Variants in EVI5 observed in about 807,000 individuals in gnomAD.
EVI5 encodes ecotropic viral integration site 5.
In EVI5, 73 loss-of-function variants were observed where a neutral mutation model predicts 112.0. The observed-to-expected ratio is 0.65, with a 90% CI of 0.54 to 0.79. The LOEUF (loss-of-function observed/expected upper bound fraction) is 0.79, where lower values mean the gene tolerates loss of function less well. Among genes scored for constraint, EVI5 ranks in the 30% least tolerant of loss-of-function variants. EVI5 has a pLI of 0.00. For missense variants in EVI5, 900 were observed against 968.8 expected (o/e 0.93, Z 0.94); for synonymous variants, 305 against 319.9 (o/e 0.95, Z 0.50).
intron 19 of EVI5, among the ~76,000 whole-genome samples, chr1:92,526,707 T>C (rs982380681): frequency 6.6e-6 from 1 of 151,880 alleles, no homozygotes; most frequent in Non-Finnish European, 1.5e-5. Flanking sequence ...AGAAGAGGGA[T>C]GAACAGGTGG....
chr1:92,788,511 A>G (rs555448225), upstream of EVI5, among the ~76,000 whole-genome samples: 8 of 145,912 alleles, frequency 5.5e-5, no homozygotes, highest in South Asian at 1.7e-3. Flanking sequence ...CAAAAAAAAA[A>G]CTAGGCAGGA....
intron 18 of EVI5, among the ~76,000 whole-genome samples, chr1:92,568,326 T>C (rs1669799764): frequency 6.8e-6 from 1 of 147,894 alleles, no homozygotes. Context: ...CAGTGAGTTG[T>C]GTTCATGTCG....
intron 18 of EVI5, among the ~76,000 whole-genome samples, chr1:92,599,306 G>C (rs57782462): frequency 0.026 from 3,985 of 152,082 alleles, 131 homozygotes; most frequent in African/African-American, 0.075. Flanking sequence ...TTACTCGCAA[G>C]AGAGTACCAG....
rs1157775160 is a variant in EVI5 at position 92,537,293 on chromosome 1, C to T, written c.2167-23323G>A. ...ATATCAGATTATAAAAGCTCCTATT[C>T]GTACATTTGAGTTTGTATAATTAAT... is the stretch of plus-strand genomic sequence containing the variant. On this transcript the variant is annotated intron_variant, in intron 19 of 19. Coordinates refer to ENST00000684568, the MANE Select transcript of EVI5 (RefSeq NM_001350197.2). Among the ~76,000 whole-genome samples, 5 of 151,666 alleles carry T rather than the reference C, an allele frequency of 3.3e-5. No homozygotes were observed. In the East Asian group the frequency reaches 9.7e-4, roughly 29 times the overall value.
rs1659156224 is a variant in EVI5, at chr1:92,511,046, C to T, written c.*2610G>A. On this transcript the variant is annotated 3_prime_UTR_variant, in exon 20 of 20. Coordinates refer to ENST00000684568, the MANE Select transcript of EVI5 (RefSeq NM_001350197.2). ...AGACAATCCTACGAGTAAGTAGTAT[C>T]TACACTCACAGACTGTGTAGAGCTT... is the stretch of plus-strand genomic sequence containing the variant. 6.6e-6 allele frequency: 1 copy of T among 152,202 alleles called. No individual in the cohort carries two copies. The allele number at this position is 152,202 out of a possible 1,614,324, so 9.4% of individuals were successfully genotyped here.
intron 18 of EVI5, among the ~76,000 whole-genome samples, chr1:92,582,682 A>T (rs991406120): frequency 1.3e-5 from 2 of 152,156 alleles, no homozygotes; most frequent in Admixed American, 6.5e-5. Flanking sequence ...GGCCAGAAAA[A>T]AAGGTGGCCC....
chr1:92,732,441 T>G (rs1456816035), intron 2 of EVI5: 32 of 229,702 alleles, frequency 1.4e-4, no homozygotes, highest in Non-Finnish European at 2.1e-4. Context: ...GCATTGAAAT[T>G]GAGGATATAT....
At chr1:92,623,708 C>A (rs115382861) in intron 16 of EVI5, among the ~76,000 whole-genome samples, 1,909 of 152,274 alleles carry the variant, frequency 0.013, 46 homozygotes, top group African/African-American at 0.042. Context: ...GGACATTTGG[C>A]AATGTGTGCA....
At chr1:92,589,860 C>T (rs929677158) in intron 18 of EVI5, among the ~76,000 whole-genome samples, 7 of 151,908 alleles carry the variant, frequency 4.6e-5, no homozygotes, top group African/African-American at 1.7e-4. Flanking sequence ...CTGAGAGGCA[C>T]CCCCCCGTAT....
chr1:92,641,234 A>C (rs1659909860), intron 13 of EVI5, among the ~76,000 whole-genome samples: 1 of 152,178 alleles, frequency 6.6e-6, no homozygotes, highest in Admixed American at 6.5e-5. Context: ...TAAAATGTTT[A>C]TCTCTATATA....
chr1:92,588,432 C>G (rs1352568617), intron 18 of EVI5, among the ~76,000 whole-genome samples: 1 of 152,114 alleles, frequency 6.6e-6, no homozygotes, highest in Non-Finnish European at 1.5e-5. Context: ...GTAGTTCTTC[C>G]CCCAAATCTT....
intron 19 of EVI5, among the ~76,000 whole-genome samples, chr1:92,536,409 C>T (rs1373742807): frequency 1.3e-5 from 2 of 152,076 alleles, no homozygotes; most frequent in Non-Finnish European, 2.9e-5. Context: ...AAGGTTTTGA[C>T]AGGAAACAGC....
intron 10 of EVI5, among the ~76,000 whole-genome samples, chr1:92,674,924 C>T (rs1182216712): frequency 6.6e-6 from 1 of 152,238 alleles, no homozygotes; most frequent in Non-Finnish European, 1.5e-5. Context: ...ACTTTCTAAA[C>T]TCTTTTTTCC....
intron 14 of EVI5, among the ~76,000 whole-genome samples, chr1:92,630,920 T>C (rs904621244): frequency 2.0e-5 from 3 of 152,048 alleles, no homozygotes; most frequent in Admixed American, 6.6e-5. Flanking sequence ...ATTTATTAAA[T>C]AGGGAATCCT....
chr1:92,610,289 T>C (rs547304858), intron 16 of EVI5, among the ~76,000 whole-genome samples: 55 of 152,324 alleles, frequency 3.6e-4, no homozygotes, highest in African/African-American at 1.3e-3. Context: ...CTGTCTTACC[T>C]GCTACCATTA....
chr1:92,695,516 T>C (rs1379986380), intron 6 of EVI5, 63 bp from the exon 7 acceptor site: 2 of 1,099,768 alleles, frequency 1.8e-6, no homozygotes, highest in Admixed American at 2.4e-5. Flanking sequence ...TTAGATTATA[T>C]TTATACTAGA....
intron 2 of EVI5, among the ~76,000 whole-genome samples, chr1:92,720,661 C>T (rs964766432): frequency 4.6e-5 from 7 of 151,986 alleles, no homozygotes; most frequent in Non-Finnish European, 7.4e-5. Context: ...CAACAAAAGC[C>T]AAAATTAACA....
intron 2 of EVI5, among the ~76,000 whole-genome samples, chr1:92,716,549 A>G (rs1036194328): frequency 6.6e-5 from 10 of 152,258 alleles, no homozygotes; most frequent in African/African-American, 9.6e-5. Context: ...TCTAAAAACC[A>G]GAGCGCCTCT....
chr1:92,557,100 T>A (rs918726408), intron 19 of EVI5, among the ~76,000 whole-genome samples: 1 of 152,122 alleles, frequency 6.6e-6, no homozygotes, highest in Non-Finnish European at 1.5e-5. Flanking sequence ...CTTAGAAAAA[T>A]TGCCTTCCCA....
Sources: gnomAD v4.1 joint callset for allele counts (sites outside exome capture counted in the v4.1 genomes callset) on GRCh38, gnomAD v4.1.1 for gene constraint, MANE v1.5 for transcripts, NCBI Gene and HGNC (gene_info 2026-07-23, HGNC 2026-07-21) for gene names.